The following PTPRD variants were observed in gnomAD, a reference collection of about 807,000 sequenced individuals.
The protein encoded by PTPRD is protein tyrosine phosphatase receptor type D.
In PTPRD, 34 loss-of-function variants were observed where a neutral mutation model predicts 214.5. The observed-to-expected ratio is 0.16, with a 90% CI of 0.12 to 0.21. PTPRD has a LOEUF of 0.21. PTPRD is among the 10% of genes least tolerant of loss of function. PTPRD has a pLI of 1.00. For synonymous variants in PTPRD, 1,128 were observed against 845.7 expected, an observed-to-expected ratio of 1.33 and a Z score of -5.79; for missense variants, 2,545 against 2,398.7, an observed-to-expected ratio of 1.06 and a Z score of -1.27.
intron 3 of PTPRD, among the ~76,000 whole-genome samples, chr9:10,145,798 T>C (rs1168191220): frequency 6.6e-6 from 1 of 152,078 alleles, no homozygotes; most frequent in Non-Finnish European, 1.5e-5. Flanking sequence ...TGATATGATA[T>C]GCTTTACTTT....
At chr9:9,985,937 C>T (rs1258778917) in intron 4 of PTPRD, among the ~76,000 whole-genome samples, 1 of 152,000 alleles carries the variant, frequency 6.6e-6, no homozygotes, top group African/African-American at 2.4e-5. Flanking sequence ...GAGTTGAAAA[C>T]TCTGAAAATA....
At chr9:9,952,971 G>A (rs371863336) in intron 4 of PTPRD, among the ~76,000 whole-genome samples, 1 of 151,814 alleles carries the variant, frequency 6.6e-6, no homozygotes, top group Admixed American at 6.5e-5. Flanking sequence ...TCAAACCTGT[G>A]GGGTAAGGAA....
intron 10 of PTPRD, among the ~76,000 whole-genome samples, chr9:9,080,886 C>G (rs1399437800): frequency 6.6e-6 from 1 of 152,016 alleles, no homozygotes. Flanking sequence ...GTTCTTCTCT[C>G]TTTTCTTCTT....
At chr9:9,342,162 C>A (rs7030450) in intron 9 of PTPRD, among the ~76,000 whole-genome samples, 32,935 of 152,056 alleles carry the variant, frequency 0.22, 4,194 homozygotes, top group Non-Finnish European at 0.29. Context: ...GAATATTGGA[C>A]AATATCCTTC....
chr9:9,000,815 C>T, intron 11 of PTPRD, among the ~76,000 whole-genome samples: 1 of 151,698 alleles, frequency 6.6e-6, no homozygotes, highest in African/African-American at 2.4e-5. Flanking sequence ...CTGAAGAGAC[C>T]CTCTATAACA....
At chr9:8,981,508 A>G (rs879399495) in intron 11 of PTPRD, among the ~76,000 whole-genome samples, 1 of 152,088 alleles carries the variant, frequency 6.6e-6, no homozygotes, top group Admixed American at 6.6e-5. Context: ...AAGAATCATG[A>G]AAACATTTGC....
chr9:9,062,248 C>A (rs1047915950), intron 10 of PTPRD, among the ~76,000 whole-genome samples: 1 of 152,096 alleles, frequency 6.6e-6, no homozygotes, highest in South Asian at 2.1e-4. Context: ...GTTTGACCTT[C>A]ATTTTAATAA....
At chr9:9,936,743 A>G (rs2089603829) in intron 5 of PTPRD, among the ~76,000 whole-genome samples, 1 of 139,228 alleles carries the variant, frequency 7.2e-6, no homozygotes, top group Admixed American at 7.6e-5. Flanking sequence ...CCAAAGGACT[A>G]TAAATCATGC....
chr9:8,598,550 A>G (rs2094601330), intron 14 of PTPRD, among the ~76,000 whole-genome samples: 2 of 152,234 alleles, frequency 1.3e-5, no homozygotes, highest in South Asian at 4.1e-4. Flanking sequence ...ACATATAATC[A>G]GTCAATATGA....
intron 5 of PTPRD, among the ~76,000 whole-genome samples, chr9:9,852,283 A>C (rs557068477): frequency 3.9e-4 from 59 of 152,268 alleles, no homozygotes; most frequent in African/African-American, 1.2e-3. Flanking sequence ...GTTGATCTAA[A>C]ATCAGAATTT....
intron 11 of PTPRD, among the ~76,000 whole-genome samples, chr9:8,824,927 A>G (rs947357990): frequency 6.6e-6 from 1 of 152,184 alleles, no homozygotes; most frequent in African/African-American, 2.4e-5. Context: ...AAATTATGGT[A>G]AGACTGATTT....
At chr9:9,782,134 C>T (rs998917511) in intron 5 of PTPRD, among the ~76,000 whole-genome samples, 10 of 152,200 alleles carry the variant, frequency 6.6e-5, no homozygotes, top group Middle Eastern at 3.4e-3. Flanking sequence ...TATTCTTTGA[C>T]TCCCGGTGGT....
At chr9:10,051,602 C>G (rs998149708) in intron 3 of PTPRD, among the ~76,000 whole-genome samples, 14 of 151,282 alleles carry the variant, frequency 9.3e-5, no homozygotes, top group Non-Finnish European at 1.9e-4. Flanking sequence ...CCTCCCCACT[C>G]CCCCCACCCC....
chr9:9,428,139 C>T (rs904031200), intron 8 of PTPRD, among the ~76,000 whole-genome samples: 5 of 152,028 alleles, frequency 3.3e-5, no homozygotes, highest in African/African-American at 1.2e-4. Context: ...AGAGTCAAGA[C>T]CCATCAGTGT....
intron 3 of PTPRD, among the ~76,000 whole-genome samples, chr9:10,099,726 T>A (rs1472039390): frequency 6.6e-6 from 1 of 151,684 alleles, no homozygotes; most frequent in Admixed American, 6.6e-5. Context: ...TTGGGTCTGC[T>A]TTTTTTAGTA....
At chr9:8,838,305 T>C (rs1047501124) in intron 11 of PTPRD, among the ~76,000 whole-genome samples, 1 of 151,168 alleles carries the variant, frequency 6.6e-6, no homozygotes, top group South Asian at 2.1e-4. Context: ...GGTGCATCGT[T>C]TGGGGATAAG....
intron 10 of PTPRD, among the ~76,000 whole-genome samples, chr9:9,082,767 A>G (rs758449083): frequency 1.1e-4 from 16 of 152,174 alleles, no homozygotes; most frequent in Non-Finnish European, 2.2e-4. Context: ...ATAGACAAAC[A>G]GAGAGCCAAA....
intron 8 of PTPRD, among the ~76,000 whole-genome samples, chr9:9,449,787 G>C (rs1286864764): frequency 6.6e-6 from 1 of 151,680 alleles, no homozygotes; most frequent in East Asian, 1.9e-4. Flanking sequence ...CTGATTACAT[G>C]GATAAGCTCT....
intron 11 of PTPRD, among the ~76,000 whole-genome samples, chr9:9,003,520 C>G (rs1306220776): frequency 2.0e-5 from 3 of 151,986 alleles, no homozygotes; most frequent in Non-Finnish European, 4.4e-5. Context: ...TAAGACATGA[C>G]TGGTCTATGA....
Sources: allele counts gnomAD v4.1 joint callset (sites outside exome capture counted in the v4.1 genomes callset), GRCh38; gene constraint gnomAD v4.1.1; transcripts MANE v1.5; gene names NCBI Gene and HGNC (gene_info 2026-07-23, HGNC 2026-07-21).